BCL2L13: variants seen among roughly 807,000 people sequenced by gnomAD.
BCL2L13 encodes BCL2 like 13.
A neutral mutation model predicts 25.8 loss-of-function variants in BCL2L13; 13 were observed. The observed-to-expected ratio is 0.50, with a 90% CI of 0.33 to 0.80. BCL2L13 has a LOEUF of 0.80. Ranked by LOEUF, BCL2L13 falls within the 30% of genes least tolerant of loss-of-function variation. The pLI is 0.02. For synonymous variants in BCL2L13, 244 were observed against 230.3 expected (o/e 1.06, Z -0.54); for missense variants, 504 against 574.9 (o/e 0.88, Z 1.26).
chr22:17,679,916 A>G (rs1410985983), intron 2 of BCL2L13, among the ~76,000 whole-genome samples: 4 of 152,154 alleles, frequency 2.6e-5, no homozygotes, highest in East Asian at 1.9e-4. Flanking sequence ...AGACAAGGCT[A>G]TATTAAGACT....
chr22:17,650,148 G>A lies in BCL2L13; in HGVS notation c.-50-5514G>A, dbSNP rs1448322275. Among the ~76,000 whole-genome samples, 4 of 152,082 alleles carry A rather than the reference G, an allele frequency of 2.6e-5. No individual in the cohort carries two copies. The East Asian group carries it at 7.7e-4, about 29-fold the overall frequency. ...GCCTCCCAAAGTGCTGGGATTACAGGCATGAGCCACTGCGCCCGGCTGACT... is the reference window on the plus strand; with the variant it reads ...GCCTCCCAAAGTGCTGGGATTACAGACATGAGCCACTGCGCCCGGCTGACT... On this transcript the variant is annotated intron_variant, in intron 1 of 6. Transcript: ENST00000317582.
At position 17,675,893 on chromosome 22, in the gene BCL2L13, C is replaced by G. The variant is rs146180803; in HGVS notation, c.122-7321C>G. On this transcript the variant is annotated intron_variant, in intron 2 of 6. Coordinates refer to ENST00000317582, the MANE Select transcript of BCL2L13 (RefSeq NM_015367.4). Reference sequence around the variant, plus strand: ...TTTCTCCTAGTTTGTGTTAAAACAGCCTTATTTTATATTACATGGCATTAT... The same window carrying G: ...TTTCTCCTAGTTTGTGTTAAAACAGGCTTATTTTATATTACATGGCATTAT... 7.6e-4 allele frequency among the ~76,000 whole-genome samples: 115 copies of G among 152,268 alleles called. 1 individual carries two copies. The highest frequency in any genetic ancestry group is 1.2e-3 in the Admixed American group (18 of 15,272).
chr22:17,695,916 T>C (rs2060251218), intron 4 of BCL2L13: 1 of 447,488 alleles, frequency 2.2e-6, no homozygotes, highest in Admixed American at 3.4e-5. Flanking sequence ...TATACATTTA[T>C]CTTGCTATGT....
At chr22:17,645,315 C>T (rs9605366) in intron 1 of BCL2L13, among the ~76,000 whole-genome samples, 13,885 of 142,524 alleles carry the variant, frequency 0.097, 919 homozygotes, top group Non-Finnish European at 0.11. Context: ...TCTGCTTTCT[C>T]GGTTCAAGCG....
chr22:17,688,768 GTTT>G (rs372765646), intron 3 of BCL2L13, among the ~76,000 whole-genome samples: 2 of 133,560 alleles, frequency 1.5e-5, no homozygotes. Flanking sequence ...TGATATTGTT[GTTT>G]TTTTTTTTTT....
intron 4 of BCL2L13, 57 bp from the exon 5 acceptor site, chr22:17,696,084 C>A: frequency 7.7e-7 from 1 of 1,302,070 alleles, no homozygotes; most frequent in South Asian, 1.2e-5. Flanking sequence ...ATGTATTCAT[C>A]TGGAAATACA....
intron 2 of BCL2L13, among the ~76,000 whole-genome samples, chr22:17,656,915 T>G (rs752044210): frequency 6.6e-6 from 1 of 151,906 alleles, no homozygotes; most frequent in East Asian, 1.9e-4. Context: ...GCCTCCCGGG[T>G]TCAAGCAATT....
chr22:17,684,607 A>G (rs1290417579), intron 3 of BCL2L13: 3 of 453,924 alleles, frequency 6.6e-6, no homozygotes, highest in Non-Finnish European at 1.3e-5. Flanking sequence ...CTCATTGCCC[A>G]GGCTGGAGTG....
At chr22:17,702,613 G>T (rs1327491960) in intron 6 of BCL2L13, 4 of 366,180 alleles carry the variant, frequency 1.1e-5, no homozygotes, top group Non-Finnish European at 1.9e-5. Flanking sequence ...CCACTGTGCC[G>T]TGCTCTATCC....
At chr22:17,655,939 G>T in intron 2 of BCL2L13, 107 bp downstream of exon 2, 1 of 1,173,254 alleles carries the variant, frequency 8.5e-7, no homozygotes, top group Non-Finnish European at 1.2e-6. Context: ...GTACTAATAA[G>T]CCTGTAAGAA....
At chr22:17,660,905 C>T (rs1047859085) in intron 2 of BCL2L13, among the ~76,000 whole-genome samples, 1 of 145,512 alleles carries the variant, frequency 6.9e-6, no homozygotes, top group African/African-American at 2.4e-5. Context: ...CTGCCTCAGC[C>T]TCCCAAGTAG....
chr22:17,727,025 G>A lies in BCL2L13; in HGVS notation c.949G>A (p.Glu317Lys), dbSNP rs775247146. ...IVHVEKEEVPEGMEEAAVASV... is the reference protein window; with the variant it reads ...IVHVEKEEVPKGMEEAAVASV... ...GCACGTGGAGAAAGAAGAGGTGCCCGAGGGCATGGAAGAGGCTGCTGTGGC... is the reference window on the plus strand; with the variant it reads ...GCACGTGGAGAAAGAAGAGGTGCCCAAGGGCATGGAAGAGGCTGCTGTGGC... Residue 317 changes from glutamate (E) to lysine (K), a missense_variant, in exon 7 of 7, where the codon GAG becomes AAG. Glu to Lys is a moderately conservative substitution (Grantham distance 56). Transcript: ENST00000317582. The A allele has an allele frequency of 3.7e-6, 6 of 1,614,088 alleles. No homozygotes were observed. The highest frequency in any genetic ancestry group is 2.2e-5 in the East Asian group (1 of 44,898).
At chr22:17,698,866 C>T (rs2145689180) in intron 5 of BCL2L13, among the ~76,000 whole-genome samples, 1 of 152,282 alleles carries the variant, frequency 6.6e-6, no homozygotes, top group Non-Finnish European at 1.5e-5. Flanking sequence ...CTTTTCTGGA[C>T]ATTTCAAATA....
intron 3 of BCL2L13, among the ~76,000 whole-genome samples, chr22:17,686,930 A>G (rs1601661246): frequency 6.6e-6 from 1 of 152,348 alleles, no homozygotes; most frequent in Middle Eastern, 3.4e-3. Context: ...GAGAGTAACA[A>G]AAGGTTTAAA....
chr22:17,640,070 T>G (rs555074862), intron 1 of BCL2L13, among the ~76,000 whole-genome samples: 1 of 152,286 alleles, frequency 6.6e-6, no homozygotes, highest in Middle Eastern at 3.4e-3. Context: ...GTCAGGATGG[T>G]CTCGAACTCC....
At position 17,683,221 on chromosome 22, in the gene BCL2L13, A is replaced by G. The variant is rs1211132617; in HGVS notation, c.129A>G (p.Gln43=). Residue 43 remains glutamine, a synonymous_variant, in exon 3 of 7, where the codon CAA becomes CAG. Transcript: ENST00000317582. ...EQHLSSPQGV[Q]LDIASQSLDQ... Reference sequence around the variant, plus strand: ...CTTTTTTGTTGCTTTCAGGGGTTCAACTAGATATAGCTTCACAATCTCTGG... The same window carrying G: ...CTTTTTTGTTGCTTTCAGGGGTTCAGCTAGATATAGCTTCACAATCTCTGG... 6.5e-7 allele frequency: 1 copy of G among 1,547,350 alleles called. No homozygotes were observed. The highest frequency in any genetic ancestry group is 1.2e-5 in the South Asian group (1 of 86,722).
chr22:17,629,033 A>C, intron 1 of BCL2L13: 1 of 221,884 alleles, frequency 4.5e-6, no homozygotes, highest in Non-Finnish European at 9.5e-6. Context: ...CCTTTATTGG[A>C]ATTTTTCGCA....
At chr22:17,677,325 A>G (rs1232187605) in intron 2 of BCL2L13, among the ~76,000 whole-genome samples, 1 of 152,228 alleles carries the variant, frequency 6.6e-6, no homozygotes, top group African/African-American at 2.4e-5. Context: ...TTTGTTTTTT[A>G]AAGGTATTTT....
At chr22:17,669,369 A>C (rs1017117688) in intron 2 of BCL2L13, among the ~76,000 whole-genome samples, 1 of 152,148 alleles carries the variant, frequency 6.6e-6, no homozygotes, top group Non-Finnish European at 1.5e-5. Context: ...GAAGCATGGC[A>C]CTGGCGTCTG....
Sources: allele counts gnomAD v4.1 joint callset (sites outside exome capture counted in the v4.1 genomes callset), GRCh38; gene constraint gnomAD v4.1.1; transcripts MANE v1.5; gene names NCBI Gene and HGNC (gene_info 2026-07-23, HGNC 2026-07-21).